The following PPP1R12A variants were observed in gnomAD, a reference collection of about 807,000 sequenced individuals.
PPP1R12A encodes the protein protein phosphatase 1 regulatory subunit 12A.
Under a neutral mutation model 139.6 loss-of-function variants are expected in PPP1R12A, and 19 were observed. The ratio of observed to expected loss-of-function variants is 0.14; its 90% CI spans 0.09 to 0.20. The LOEUF is 0.20. PPP1R12A is among the 10% of genes least tolerant of loss of function. PPP1R12A has a pLI of 1.00. For missense variants in PPP1R12A, 925 were observed against 1,211.5 expected (o/e 0.76, Z 3.51); for synonymous variants, 427 against 420.6 (o/e 1.02, Z -0.19).
intron 2 of PPP1R12A, among the ~76,000 whole-genome samples, chr12:79,870,474 C>T (rs2137324089): frequency 6.6e-6 from 1 of 152,278 alleles, no homozygotes; most frequent in East Asian, 1.9e-4. Flanking sequence ...CTTAACAAAT[C>T]ATCCAGTATA....
chr12:79,921,014 T>C (rs1887393576), intron 1 of PPP1R12A, among the ~76,000 whole-genome samples: 1 of 152,220 alleles, frequency 6.6e-6, no homozygotes, highest in South Asian at 2.1e-4. Flanking sequence ...TTGATTTGCA[T>C]TTCCCAAATG....
chr12:79,880,994 G>A (rs758519172), intron 1 of PPP1R12A, among the ~76,000 whole-genome samples: 5 of 151,936 alleles, frequency 3.3e-5, no homozygotes, highest in Admixed American at 2.0e-4. Flanking sequence ...GTTTTGGGGC[G>A]CCATGAACCA....
intron 2 of PPP1R12A, among the ~76,000 whole-genome samples, chr12:79,848,561 A>G (rs963723054): frequency 1.3e-5 from 2 of 152,150 alleles, no homozygotes; most frequent in Middle Eastern, 3.2e-3. Flanking sequence ...GTTAAGAGAA[A>G]CTAACAGAGT....
chr12:79,935,321 G>A, upstream of PPP1R12A: 1 of 1,038,910 alleles, frequency 9.6e-7, no homozygotes. Context: ...AGGGAAGCGG[G>A]TGTGGCCCAG....
chr12:79,838,880 C>T lies in PPP1R12A; in HGVS notation c.488-6389G>A, dbSNP rs561763103. 7.2e-5 allele frequency among the ~76,000 whole-genome samples: 11 copies of T among 152,284 alleles called. No homozygotes were observed. The East Asian group carries it at 2.1e-3, about 29-fold the overall frequency. ...GGAAGGGAAATGTGAGGTCAGAGAC[C>T]CCACACAGAATCCCCACTGGGGTAC... On this transcript the variant is annotated intron_variant, in intron 3 of 24. Coordinates refer to ENST00000450142, the MANE Select transcript of PPP1R12A (RefSeq NM_002480.3).
At chr12:79,782,843 T>C (rs550479773) in intron 22 of PPP1R12A, among the ~76,000 whole-genome samples, 2 of 152,300 alleles carry the variant, frequency 1.3e-5, no homozygotes, top group East Asian at 3.9e-4. Context: ...CCACAAAATA[T>C]GCTTTAAAAA....
At chr12:79,857,983 T>C (rs1288632876) in intron 2 of PPP1R12A, among the ~76,000 whole-genome samples, 2 of 152,294 alleles carry the variant, frequency 1.3e-5, no homozygotes, top group East Asian at 3.9e-4. Flanking sequence ...TGTATCTCAT[T>C]ATTAGTATAC....
At chr12:79,881,822 C>A (rs919220739) in intron 1 of PPP1R12A, among the ~76,000 whole-genome samples, 2 of 152,168 alleles carry the variant, frequency 1.3e-5, no homozygotes, top group Non-Finnish European at 2.9e-5. Context: ...GCTAATGCAG[C>A]TGGTGACCTT....
intron 3 of PPP1R12A, among the ~76,000 whole-genome samples, chr12:79,841,332 T>G (rs1237134796): frequency 1.3e-5 from 2 of 152,198 alleles, no homozygotes; most frequent in East Asian, 3.8e-4. Flanking sequence ...TCTGAAACCT[T>G]TCCTCACTAC....
At chr12:79,906,657 C>T (rs1021910763) in intron 1 of PPP1R12A, among the ~76,000 whole-genome samples, 1 of 151,928 alleles carries the variant, frequency 6.6e-6, no homozygotes, top group Non-Finnish European at 1.5e-5. Context: ...ATTTTTAAGA[C>T]AGAGTCCCAC....
chr12:79,780,809 G>C (rs1213314579), intron 23 of PPP1R12A: 1 of 152,020 alleles, frequency 6.6e-6, no homozygotes, highest in Non-Finnish European at 1.5e-5. Context: ...ACATGACTCA[G>C]AACACTAATT....
chr12:79,832,509 G>C lies in PPP1R12A; in HGVS notation c.488-18C>G. 6.4e-7 allele frequency: 1 copy of C among 1,555,242 alleles called. No individual in the cohort carries two copies. The highest frequency in any genetic ancestry group is 8.7e-7 in the Non-Finnish European group (1 of 1,151,332). On this transcript the variant is annotated intron_variant, in intron 3 of 24. Coordinates refer to ENST00000450142, the MANE Select transcript of PPP1R12A (RefSeq NM_002480.3). Reference sequence around the variant, plus strand: ...ATCAACCCCTGATAAAATAAAAATAGTTCTTTTTATTTTTGCTTAAAAATT... The same window carrying C: ...ATCAACCCCTGATAAAATAAAAATACTTCTTTTTATTTTTGCTTAAAAATT...
intron 22 of PPP1R12A, among the ~76,000 whole-genome samples, chr12:79,782,791 T>G (rs943925220): frequency 2.6e-5 from 4 of 152,172 alleles, no homozygotes; most frequent in African/African-American, 9.6e-5. Flanking sequence ...TTACCAAAAA[T>G]GGTTTTTGAC....
Position 79,927,457 on chromosome 12 carries a change from A to G in PPP1R12A, c.237+7238T>C, listed in dbSNP as rs550484145. Among the ~76,000 whole-genome samples, 218 of 152,330 alleles carry G rather than the reference A, an allele frequency of 1.4e-3. 1 individual carries two copies. The highest frequency in any genetic ancestry group is 5.0e-3 in the African/African-American group (208 of 41,556). ...ACTTCAATTACCATAGAAAGGTCTT[A>G]AAAGTATGGGCTAGCTAAAACAAAT... is the stretch of plus-strand genomic sequence containing the variant. On this transcript the variant is annotated intron_variant, in intron 1 of 24. Transcript: ENST00000450142.
upstream of PPP1R12A, chr12:79,935,314 G>A: frequency 1.2e-5 from 13 of 1,045,296 alleles, no homozygotes; most frequent in Non-Finnish European, 1.5e-5. Flanking sequence ...CCACCAGAGG[G>A]AAGCGGGTGT....
In PPP1R12A at chr12:79,894,435, G is replaced by T. The variant is rs189757827; in HGVS notation, c.238-21497C>A. On this transcript the variant is annotated intron_variant, in intron 1 of 24. Coordinates refer to ENST00000450142, the MANE Select transcript of PPP1R12A (RefSeq NM_002480.3). ...AAAAGCTAAGTCTTGACCATATAAG[G>T]CTTTGGGATTCCCATGGATAGAAAG... is the stretch of plus-strand genomic sequence containing the variant. Among the ~76,000 whole-genome samples, 545 of 152,100 alleles carry T rather than the reference G, an allele frequency of 3.6e-3. 4 individuals carry two copies. Among genetic ancestry groups the T allele is most frequent in the Admixed American group, 9.5e-3 (145 of 15,270 alleles).
intron 1 of PPP1R12A, among the ~76,000 whole-genome samples, chr12:79,932,816 A>G (rs1003148231): frequency 3.3e-5 from 5 of 152,192 alleles, no homozygotes; most frequent in Non-Finnish European, 7.4e-5. Context: ...GTAAATATCA[A>G]AACTTTTCGT....
intron 17 of PPP1R12A, among the ~76,000 whole-genome samples, 173 bp downstream of exon 17, chr12:79,796,609 T>G (rs1328882768): frequency 1.3e-5 from 2 of 152,188 alleles, no homozygotes; most frequent in Non-Finnish European, 2.9e-5. Context: ...CAGGCCATAT[T>G]CTATTTCTGT....
At position 79,774,658 on chromosome 12, in the gene PPP1R12A, A is replaced by G. The variant is rs765478674; in HGVS notation, c.*1271T>C. ...TTAAAAAAAAAAAAAGGCCACTGAA[A>G]TGTATAAAATGGTCTGAACATGATG... On this transcript the variant is annotated 3_prime_UTR_variant, in exon 25 of 25. Transcript: ENST00000450142. The G allele has an allele frequency of 1.0e-4, 15 of 149,166 alleles. No homozygotes were observed. Among genetic ancestry groups the G allele is most frequent in the Admixed American group, 8.6e-4 (13 of 15,068 alleles). 9.2% of individuals were successfully genotyped at this position (149,166 alleles called of 1,614,324 possible).
Sources: allele counts gnomAD v4.1 joint callset (sites outside exome capture counted in the v4.1 genomes callset), GRCh38; gene constraint gnomAD v4.1.1; transcripts MANE v1.5; gene names NCBI Gene and HGNC (gene_info 2026-07-23, HGNC 2026-07-21).